Variants in GREB1L observed in about 807,000 individuals in gnomAD.
GREB1L encodes GREB1-like protein.
GREB1L carries 17 observed loss-of-function variants against 200.8 expected under a neutral mutation model. That is an observed-to-expected ratio of 0.08 (90% CI 0.06 to 0.13). The LOEUF (loss-of-function observed/expected upper bound fraction) is 0.13. GREB1L is among the 10% of genes least tolerant of loss of function. The pLI is 1.00. For missense variants in GREB1L, 1,657 were observed against 2,367.7 expected (o/e 0.70, Z 6.23); for synonymous variants, 789 against 893.0 (o/e 0.88, Z 2.08).
At chr18:21,414,309 G>A (rs1598790916) in intron 7 of GREB1L, among the ~76,000 whole-genome samples, 1 of 152,188 alleles carries the variant, frequency 6.6e-6, no homozygotes, top group South Asian at 2.1e-4. Context: ...AAAAGATAAT[G>A]TGGATAAAAC....
At chr18:21,463,134 C>CTTTTTTTTT (rs11355874) in intron 15 of GREB1L, among the ~76,000 whole-genome samples, 1 of 55,682 alleles carries the variant, frequency 1.8e-5, no homozygotes, top group Non-Finnish European at 3.0e-5. Flanking sequence ...CTTAATGGTT[C>CTTTTTTTTT]TTTTTTTTTT....
chr18:21,392,598 T>C (rs1271349612), intron 4 of GREB1L, among the ~76,000 whole-genome samples: 1 of 152,082 alleles, frequency 6.6e-6, no homozygotes, highest in Admixed American at 6.6e-5. Flanking sequence ...TAAAAAGGGA[T>C]CTATAAGCTT....
At chr18:21,502,530 A>C (rs982521695) in intron 23 of GREB1L, among the ~76,000 whole-genome samples, 2 of 152,214 alleles carry the variant, frequency 1.3e-5, no homozygotes, top group African/African-American at 4.8e-5. Context: ...GAGCAAGAGT[A>C]GGTAAAATCA....
At chr18:21,331,501 G>A (rs2039106648) in intron 1 of GREB1L, among the ~76,000 whole-genome samples, 1 of 152,194 alleles carries the variant, frequency 6.6e-6, no homozygotes. Context: ...CAAAGAAAGA[G>A]AGTTAAAGAT....
In GREB1L at chr18:21,307,750, G is replaced by T. The variant is rs575796422; in HGVS notation, c.-119-58277G>T. Among the ~76,000 whole-genome samples, 53 of 152,190 alleles carry T rather than the reference G, an allele frequency of 3.5e-4. 1 individual carries two copies. The East Asian group carries it at 9.9e-3, about 28-fold the overall frequency. ...TAGCAAAGCCCCAGCAGGAGACTCG[G>T]GGGCGGGGGGGAGGAGTGAGGTCAG... On this transcript the variant is annotated intron_variant, in intron 1 of 32. Transcript: ENST00000424526.
At chr18:21,270,277 G>A (rs2038056992) in intron 1 of GREB1L, among the ~76,000 whole-genome samples, 1 of 152,202 alleles carries the variant, frequency 6.6e-6, no homozygotes, top group Non-Finnish European at 1.5e-5. Flanking sequence ...CACAGGCAGA[G>A]ATGGGCTGAT....
At chr18:21,382,994 C>T (rs1366991455) in intron 2 of GREB1L, among the ~76,000 whole-genome samples, 2 of 152,110 alleles carry the variant, frequency 1.3e-5, no homozygotes, top group African/African-American at 4.8e-5. Context: ...TGAAAACGCT[C>T]GTCTTGCTTT....
At chr18:21,323,693 C>T (rs764204459) in intron 1 of GREB1L, among the ~76,000 whole-genome samples, 13 of 152,130 alleles carry the variant, frequency 8.5e-5, no homozygotes, top group Admixed American at 1.3e-4. Flanking sequence ...ATGATACCAC[C>T]TATACATTGC....
intron 5 of GREB1L, among the ~76,000 whole-genome samples, chr18:21,400,161 T>TA (rs775509229): frequency 6.6e-6 from 1 of 152,212 alleles, no homozygotes; most frequent in East Asian, 1.9e-4. Flanking sequence ...AACTCACTCT[T>TA]ATTGTCTGCT....
At chr18:21,514,951 T>G (rs1279619962) in intron 28 of GREB1L, among the ~76,000 whole-genome samples, 1 of 152,154 alleles carries the variant, frequency 6.6e-6, no homozygotes, top group Non-Finnish European at 1.5e-5. Flanking sequence ...CCCCCAAAAT[T>G]CAATAGCACT....
chr18:21,245,625 A>G (rs1221187339), intron 1 of GREB1L, among the ~76,000 whole-genome samples: 3 of 152,192 alleles, frequency 2.0e-5, no homozygotes, highest in Admixed American at 1.3e-4. Context: ...AGTTTATGCA[A>G]TGGATGTTCA....
rs368823549 is a variant in GREB1L at position 21,500,114 on chromosome 18, C to G, written c.3777C>G (p.His1259Gln). 5.8e-6 allele frequency: 9 copies of G among 1,551,720 alleles called. No homozygotes were observed. Among genetic ancestry groups the G allele is most frequent in the Non-Finnish European group, 5.2e-6 (6 of 1,147,018 alleles). Residue 1259 changes from histidine (H) to glutamine (Q), a missense_variant, in exon 22 of 33, where the codon CAC becomes CAG. Coordinates refer to ENST00000424526, the MANE Select transcript of GREB1L (RefSeq NM_001142966.3). Reference sequence around the variant, plus strand: ...CATCCTCCTCCTCCCTGCTGCCCCACGCCGACGTGGCCTGGGTGAGCTCCC... The same window carrying G: ...CATCCTCCTCCTCCCTGCTGCCCCAGGCCGACGTGGCCTGGGTGAGCTCCC... ...KLPSSSSLLP[H>Q]ADVAWVSSLR...
intron 1 of GREB1L, among the ~76,000 whole-genome samples, chr18:21,331,495 GAA>G (rs2039106493): frequency 6.6e-6 from 1 of 152,184 alleles, no homozygotes; most frequent in African/African-American, 2.4e-5. Context: ...GATTTTCAAA[GAA>G]AGAGAGTTAA....
chr18:21,323,857 A>G (rs1289199103), intron 1 of GREB1L, among the ~76,000 whole-genome samples: 1 of 152,238 alleles, frequency 6.6e-6, no homozygotes, highest in Non-Finnish European at 1.5e-5. Context: ...AATTAATATA[A>G]TTTCTGTGGA....
At chr18:21,419,367 T>C (rs1253104875) in intron 7 of GREB1L, among the ~76,000 whole-genome samples, 1 of 152,224 alleles carries the variant, frequency 6.6e-6, no homozygotes, top group Non-Finnish European at 1.5e-5. Context: ...AGCATAAACA[T>C]TGCAGGATAC....
intron 4 of GREB1L, among the ~76,000 whole-genome samples, chr18:21,391,806 G>GTTTA (rs1188604748): frequency 5.9e-5 from 9 of 152,206 alleles, no homozygotes; most frequent in Non-Finnish European, 1.2e-4. Flanking sequence ...TGGTTTGTTT[G>GTTTA]TTTATTTATT....
intron 9 of GREB1L, 148 bp from the exon 10 acceptor site, chr18:21,441,252 T>C: frequency 3.3e-6 from 2 of 600,804 alleles, no homozygotes; most frequent in Non-Finnish European, 5.1e-6. Context: ...TTTTCACTTA[T>C]CACTTTACAC....
intron 15 of GREB1L, among the ~76,000 whole-genome samples, chr18:21,472,146 G>A (rs1339210016): frequency 5.3e-5 from 8 of 152,096 alleles, no homozygotes; most frequent in Non-Finnish European, 7.4e-5. Context: ...CTGTTATACC[G>A]TTTAGGCCTG....
At chr18:21,355,824 ATCT>A (rs777647980) in intron 1 of GREB1L, among the ~76,000 whole-genome samples, 1 of 152,090 alleles carries the variant, frequency 6.6e-6, no homozygotes, top group African/African-American at 2.4e-5. Flanking sequence ...TCCCCTTATA[ATCT>A]TCTTGAAAAG....
Sources: allele counts gnomAD v4.1 joint callset (sites outside exome capture counted in the v4.1 genomes callset), GRCh38; gene constraint gnomAD v4.1.1; transcripts MANE v1.5; gene names NCBI Gene and HGNC (gene_info 2026-07-23, HGNC 2026-07-21).